The following SLC22A8 variants were observed in gnomAD, a reference collection of about 807,000 sequenced individuals.
SLC22A8 encodes the protein solute carrier family 22 member 8, also known as organic anion transporter 3.
SLC22A8 carries 40 observed loss-of-function variants against 48.4 expected under a neutral mutation model. That is an observed-to-expected ratio of 0.83 (90% CI 0.64 to 1.08). The LOEUF is 1.08. Among genes scored for constraint, SLC22A8 ranks in the 50% least tolerant of loss-of-function variants. The probability of loss-of-function intolerance (pLI) is 0.00; values close to 1 mark genes in which losing one functional copy is unlikely to be tolerated. For missense variants in SLC22A8, 606 were observed against 699.0 expected, an observed-to-expected ratio of 0.87 and a Z score of 1.50; for synonymous variants, 268 against 286.3, an observed-to-expected ratio of 0.94 and a Z score of 0.65.
In SLC22A8 at chr11:63,014,963, C is replaced by T. The variant is rs371304585; in HGVS notation, c.-5G>A. The T allele has an allele frequency of 1.3e-6, 2 of 1,539,650 alleles. No homozygotes were observed. Among genetic ancestry groups the T allele is most frequent in the Middle Eastern group, 1.8e-4 (1 of 5,700 alleles). Reference sequence around the variant, plus strand: ...CAGGATCTCCGAGAAGGTCATGGCACTGGGGCAAGACGAGCCAGAGCTGTG... The same window carrying T: ...CAGGATCTCCGAGAAGGTCATGGCATTGGGGCAAGACGAGCCAGAGCTGTG... On this transcript the variant is annotated 5_prime_UTR_variant, in exon 2 of 11. It adds an upstream start codon to the 5' untranslated region. Coordinates refer to ENST00000336232, the MANE Select transcript of SLC22A8 (RefSeq NM_004254.4).
rs114769927 is a variant in SLC22A8, at chr11:62,997,090, C to G, written c.762-938G>C. ...TTCCTCCCAAAACCATGGCAAGGGCCTGGCACTCTATCCTCCTCTTCCCGA... is the reference window on the plus strand; with the variant it reads ...TTCCTCCCAAAACCATGGCAAGGGCGTGGCACTCTATCCTCCTCTTCCCGA... On this transcript the variant is annotated intron_variant, in intron 5 of 10. Coordinates refer to ENST00000336232, the MANE Select transcript of SLC22A8 (RefSeq NM_004254.4). 5.5e-3 allele frequency among the ~76,000 whole-genome samples: 840 copies of G among 152,362 alleles called. 8 individuals are homozygous for G. Among genetic ancestry groups the G allele is most frequent in the African/African-American group, 0.019 (792 of 41,580 alleles).
chr11:63,000,409 G>A (rs554104289), intron 3 of SLC22A8, among the ~76,000 whole-genome samples: 3 of 151,906 alleles, frequency 2.0e-5, no homozygotes, highest in Non-Finnish European at 2.9e-5. Context: ...ACTTGAATCC[G>A]GGAGGTGGAG....
At chr11:63,014,566 A>G in intron 2 of SLC22A8, 60 bp downstream of exon 2, 2 of 1,380,732 alleles carry the variant, frequency 1.4e-6, no homozygotes, top group Admixed American at 4.2e-5. Flanking sequence ...GCTGCCCACC[A>G]GCGGTGCAGG....
At chr11:63,007,210 G>A (rs1369812399) in intron 2 of SLC22A8, among the ~76,000 whole-genome samples, 1 of 152,206 alleles carries the variant, frequency 6.6e-6, no homozygotes, top group Non-Finnish European at 1.5e-5. Flanking sequence ...AAGGCAACTT[G>A]TTGGTTGAAC....
intron 2 of SLC22A8, among the ~76,000 whole-genome samples, chr11:63,006,275 C>G (rs2086553488): frequency 6.6e-6 from 1 of 152,164 alleles, no homozygotes; most frequent in Admixed American, 6.5e-5. Flanking sequence ...TTGCATTTCT[C>G]TTTGCTTTGG....
intron 2 of SLC22A8, among the ~76,000 whole-genome samples, chr11:63,014,324 G>T (rs775464614): frequency 6.6e-6 from 1 of 152,144 alleles, no homozygotes; most frequent in Admixed American, 6.5e-5. Context: ...TATCTCCACC[G>T]GGCTGTAGAC....
intron 2 of SLC22A8, among the ~76,000 whole-genome samples, chr11:63,013,071 TC>T (rs1182182372): frequency 1.3e-5 from 2 of 152,142 alleles, no homozygotes; most frequent in African/African-American, 4.8e-5. Context: ...TGCTTCAGTT[TC>T]CCCATCTGAG....
chr11:63,012,749 C>A (rs2086633425), intron 2 of SLC22A8, among the ~76,000 whole-genome samples: 1 of 152,246 alleles, frequency 6.6e-6, no homozygotes, highest in Non-Finnish European at 1.5e-5. Context: ...TTCCACCAAA[C>A]TGCCCATGAT....
chr11:63,007,051 A>T (rs938647676), intron 2 of SLC22A8, among the ~76,000 whole-genome samples: 10 of 152,202 alleles, frequency 6.6e-5, no homozygotes, highest in African/African-American at 2.4e-4. Flanking sequence ...CCCTGTTAAG[A>T]AAACCTATAG....
rs749148432 is a variant in SLC22A8 at position 62,995,731 on chromosome 11, C to T, written c.974G>A (p.Arg325His). ...SDLFRIPMLR[R>H]MTFCLSLAWF... ...GGCCAGGGAAAGACAGAAGGTCATGCGGCGCAGCATGGGTATCCGGAACAG... is the reference window on the plus strand; with the variant it reads ...GGCCAGGGAAAGACAGAAGGTCATGTGGCGCAGCATGGGTATCCGGAACAG... Residue 325 changes from arginine (R) to histidine (H), a missense_variant, in exon 7 of 11, where the codon CGC becomes CAC. Physicochemically the swap from Arg to His is conservative, Grantham distance 29. Coordinates refer to ENST00000336232, the MANE Select transcript of SLC22A8 (RefSeq NM_004254.4). 29 of 1,613,720 alleles carry T rather than the reference C, an allele frequency of 1.8e-5. No individual in the cohort carries two copies. Among genetic ancestry groups the T allele is most frequent in the Admixed American group, 1.7e-5 (1 of 59,994 alleles).
At chr11:63,012,795 C>T (rs183746150) in intron 2 of SLC22A8, among the ~76,000 whole-genome samples, 8 of 152,346 alleles carry the variant, frequency 5.3e-5, no homozygotes, top group African/African-American at 1.9e-4. Context: ...TGGTGGTGTG[C>T]TCCTGGAGGG....
Position 63,014,704 on chromosome 11 carries a change from G to A in SLC22A8, c.255C>T (p.Pro85=). The A allele has an allele frequency of 1.2e-6, 2 of 1,614,044 alleles. No individual in the cohort carries two copies. Among genetic ancestry groups the A allele is most frequent in the Non-Finnish European group, 8.5e-7 (1 of 1,179,924 alleles). The change falls in exon 2 of 11, where the codon CCC becomes CCT. Residue 85 remains proline, a synonymous_variant. Transcript: ENST00000336232. ...GCTCCATGGCCCTCTGGGTGTCATT[G>A]GGCAGGCTGGCATTGGGCGGATGTA... ...RFVHPPNASL[P]NDTQRAMEPC... is the part of the protein sequence containing the mutation.
intron 2 of SLC22A8, 136 bp downstream of exon 2, chr11:63,014,489 TC>T (rs1428751501): frequency 2.8e-6 from 2 of 721,572 alleles, no homozygotes; most frequent in Non-Finnish European, 2.3e-6. Flanking sequence ...TGCACTCAGG[TC>T]CTTCCTCTTT....
chr11:63,015,048 C>T (rs1022833788), intron 1 of SLC22A8, 65 bp from the exon 2 acceptor site: 21 of 1,113,646 alleles, frequency 1.9e-5, no homozygotes, highest in African/African-American at 1.7e-4. Context: ...GTCTATGGAA[C>T]GATATGTGGG....
intron 2 of SLC22A8, among the ~76,000 whole-genome samples, chr11:63,012,129 A>G (rs2086626029): frequency 1.3e-5 from 2 of 151,958 alleles, no homozygotes; most frequent in Admixed American, 1.3e-4. Flanking sequence ...AGCTGGGACT[A>G]CAGGTGTGCA....
At chr11:63,011,990 CTTTTTTTTTTT>C (rs763880600) in intron 2 of SLC22A8, among the ~76,000 whole-genome samples, 2 of 141,408 alleles carry the variant, frequency 1.4e-5, no homozygotes, top group Middle Eastern at 7.3e-3. Flanking sequence ...CTCTCTTTTT[CTTTTTTTTTTT>C]TTTTGAGATG....
At chr11:63,005,961 T>G (rs2086549610) in intron 2 of SLC22A8, among the ~76,000 whole-genome samples, 1 of 152,168 alleles carries the variant, frequency 6.6e-6, no homozygotes, top group Non-Finnish European at 1.5e-5. Flanking sequence ...AAGGGGTGAT[T>G]GGAAGAGGAT....
At chr11:63,010,988 T>G (rs549517439) in intron 2 of SLC22A8, among the ~76,000 whole-genome samples, 1 of 152,202 alleles carries the variant, frequency 6.6e-6, no homozygotes, top group Admixed American at 6.5e-5. Context: ...TCAGTGTTGA[T>G]TGAGCACTTG....
intron 2 of SLC22A8, among the ~76,000 whole-genome samples, chr11:63,003,193 C>T (rs555360985): frequency 1.3e-5 from 2 of 152,334 alleles, no homozygotes; most frequent in African/African-American, 4.8e-5. Flanking sequence ...TTTGCTCCAG[C>T]CATCTGAATT....
Sources: allele counts gnomAD v4.1 joint callset (sites outside exome capture counted in the v4.1 genomes callset), GRCh38; gene constraint gnomAD v4.1.1; transcripts MANE v1.5; gene names NCBI Gene and HGNC (gene_info 2026-07-23, HGNC 2026-07-21).